The following FGGY variants were observed in gnomAD, a reference collection of about 807,000 sequenced individuals.
FGGY encodes the protein FGGY carbohydrate kinase domain containing.
A neutral mutation model predicts 71.3 loss-of-function variants in FGGY; 72 were observed. The ratio of observed to expected loss-of-function variants is 1.01; its 90% CI spans 0.84 to 1.23. FGGY has a LOEUF of 1.23. Ranked by LOEUF, FGGY falls within the 50% of genes most tolerant of loss-of-function variation. The pLI is 0.00. For synonymous variants in FGGY, 251 were observed against 250.3 expected (o/e 1.00, Z -0.02); for missense variants, 668 against 682.3 (o/e 0.98, Z 0.23).
intron 5 of FGGY, among the ~76,000 whole-genome samples, chr1:59,453,435 A>G (rs2091387410): frequency 6.6e-6 from 1 of 152,164 alleles, no homozygotes; most frequent in Non-Finnish European, 1.5e-5. Context: ...ATGAACCACA[A>G]CCAATGCTTG....
At chr1:59,380,556 G>A (rs2059289155) in intron 5 of FGGY, among the ~76,000 whole-genome samples, 1 of 151,670 alleles carries the variant, frequency 6.6e-6, no homozygotes, top group Non-Finnish European at 1.5e-5. Context: ...GTGATGATGA[G>A]CATTTTTTCA....
At chr1:59,308,360 A>G (rs2043756350) in intron 1 of FGGY, among the ~76,000 whole-genome samples, 1 of 152,212 alleles carries the variant, frequency 6.6e-6, no homozygotes, top group Non-Finnish European at 1.5e-5. Context: ...AGCACAGTTC[A>G]ACTCAATACA....
chr1:59,716,828 C>T (rs962448938), intron 14 of FGGY, among the ~76,000 whole-genome samples: 2 of 152,000 alleles, frequency 1.3e-5, no homozygotes, highest in Non-Finnish European at 2.9e-5. Context: ...ATGATGGAAG[C>T]GGGAAAAGGA....
At chr1:59,342,643 A>T (rs894862598) in intron 3 of FGGY, among the ~76,000 whole-genome samples, 3 of 152,300 alleles carry the variant, frequency 2.0e-5, no homozygotes, top group Non-Finnish European at 4.4e-5. Flanking sequence ...AATTAGAATT[A>T]TAAAGGTGGT....
At chr1:59,383,903 G>A (rs1000534865) in intron 5 of FGGY, among the ~76,000 whole-genome samples, 8 of 152,060 alleles carry the variant, frequency 5.3e-5, no homozygotes, top group Admixed American at 2.0e-4. Context: ...GCTGTGCCCC[G>A]ACCACCTTGA....
intron 14 of FGGY, among the ~76,000 whole-genome samples, chr1:59,684,075 T>A (rs1330062492): frequency 6.6e-6 from 1 of 152,184 alleles, no homozygotes; most frequent in African/African-American, 2.4e-5. Context: ...CCAAGGCTCA[T>A]CAGCACAAGC....
At chr1:59,621,788 G>A (rs182622765) in intron 9 of FGGY, among the ~76,000 whole-genome samples, 103 of 151,750 alleles carry the variant, frequency 6.8e-4, no homozygotes, top group African/African-American at 1.3e-3. Flanking sequence ...ACGGTATGGC[G>A]TGGTCTTCTT....
intron 14 of FGGY, among the ~76,000 whole-genome samples, chr1:59,718,071 A>G (rs926728133): frequency 6.6e-6 from 1 of 152,176 alleles, no homozygotes; most frequent in Non-Finnish European, 1.5e-5. Context: ...TTACTGTCAC[A>G]TTACCTCTCA....
chr1:59,333,282 A>G lies in FGGY; in HGVS notation c.202-6676A>G, dbSNP rs1253248303. Among the ~76,000 whole-genome samples, 4 of 152,346 alleles carry G rather than the reference A, an allele frequency of 2.6e-5. No homozygotes were observed. The South Asian group carries it at 6.2e-4, about 24-fold the overall frequency. ...ATGCACTTTCTGGGCACAGAAGCCAATTGGGCCACATAGCAAGTAGAAGTT... is the reference window on the plus strand; with the variant it reads ...ATGCACTTTCTGGGCACAGAAGCCAGTTGGGCCACATAGCAAGTAGAAGTT... On this transcript the variant is annotated intron_variant, in intron 2 of 15. Coordinates refer to ENST00000303721, the MANE Select transcript of FGGY (RefSeq NM_018291.5).
intron 3 of FGGY, among the ~76,000 whole-genome samples, chr1:59,343,601 G>T (rs1035196192): frequency 1.4e-4 from 21 of 152,156 alleles, no homozygotes; most frequent in African/African-American, 5.1e-4. Context: ...CTTAAGGGCA[G>T]AACTGTGGCA....
intron 10 of FGGY, among the ~76,000 whole-genome samples, chr1:59,627,483 T>C (rs1470708452): frequency 0.026 from 3,266 of 127,914 alleles, 161 homozygotes; most frequent in African/African-American, 0.11. Flanking sequence ...TATATATATA[T>C]ATATATACAC....
At chr1:59,645,992 T>A (rs1308503758) in intron 11 of FGGY, among the ~76,000 whole-genome samples, 1 of 152,214 alleles carries the variant, frequency 6.6e-6, no homozygotes, top group African/African-American at 2.4e-5. Flanking sequence ...AGTGTGTATG[T>A]GGGAGACCAG....
chr1:59,715,381 A>G (rs562999037), intron 14 of FGGY, among the ~76,000 whole-genome samples: 1 of 152,290 alleles, frequency 6.6e-6, no homozygotes, highest in East Asian at 1.9e-4. Context: ...TCAAAGGCAA[A>G]AAGTTGTGTG....
At chr1:59,313,867 G>C (rs948860933) in intron 1 of FGGY, among the ~76,000 whole-genome samples, 1 of 152,094 alleles carries the variant, frequency 6.6e-6, no homozygotes, top group African/African-American at 2.4e-5. Context: ...TATACTGCTT[G>C]GGTGATGGGT....
At chr1:59,682,955 G>A (rs1558787077) in intron 14 of FGGY, among the ~76,000 whole-genome samples, 2 of 152,256 alleles carry the variant, frequency 1.3e-5, no homozygotes, top group Middle Eastern at 3.4e-3. Flanking sequence ...CTCAATGAAG[G>A]AACCGGTGTG....
chr1:59,587,535 G>A (rs2096326672), intron 8 of FGGY, among the ~76,000 whole-genome samples: 1 of 152,276 alleles, frequency 6.6e-6, no homozygotes, highest in East Asian at 1.9e-4. Context: ...AGCCTAACTG[G>A]GAGGCACCCC....
intron 6 of FGGY, among the ~76,000 whole-genome samples, chr1:59,481,192 A>G (rs1279989303): frequency 6.6e-6 from 1 of 152,206 alleles, no homozygotes; most frequent in Non-Finnish European, 1.5e-5. Context: ...CAAGGAAATG[A>G]TGTGATCCAA....
chr1:59,529,829 G>A lies in FGGY; in HGVS notation c.799+17390G>A, dbSNP rs142493023. 3.0e-4 allele frequency among the ~76,000 whole-genome samples: 45 copies of A among 152,202 alleles called. No individual in the cohort carries two copies. The East Asian group carries it at 7.1e-3, about 24-fold the overall frequency. ...TTCCTGAAATAGGTTTTGGCAGTGG[G>A]GCTTGAAAAGAAGATAGGGAGTTTG... On this transcript the variant is annotated intron_variant, in intron 7 of 15. Coordinates refer to ENST00000303721, the MANE Select transcript of FGGY (RefSeq NM_018291.5).
intron 11 of FGGY, among the ~76,000 whole-genome samples, chr1:59,639,221 A>G (rs1314287799): frequency 6.6e-6 from 1 of 152,230 alleles, no homozygotes; most frequent in Non-Finnish European, 1.5e-5. Context: ...GTAACAGTGG[A>G]GCAGGCCTGA....
Sources: gnomAD v4.1 joint callset for allele counts (sites outside exome capture counted in the v4.1 genomes callset) on GRCh38, gnomAD v4.1.1 for gene constraint, MANE v1.5 for transcripts, NCBI Gene and HGNC (gene_info 2026-07-23, HGNC 2026-07-21) for gene names.